ANLN: variants seen among roughly 807,000 people sequenced by gnomAD.
ANLN encodes anillin.
ANLN carries 59 observed loss-of-function variants against 135.1 expected under a neutral mutation model. The observed-to-expected ratio is 0.44, with a 90% CI of 0.35 to 0.54. The LOEUF (loss-of-function observed/expected upper bound fraction) is 0.54, where lower values mean the gene tolerates loss of function less well. ANLN is among the 20% of genes least tolerant of loss of function. ANLN has a pLI of 0.00. For missense variants in ANLN, 1,182 were observed against 1,340.0 expected (o/e 0.88, Z 1.84); for synonymous variants, 406 against 456.4 (o/e 0.89, Z 1.41).
chr7:36,432,861 C>G (rs562199419), intron 20 of ANLN, among the ~76,000 whole-genome samples: 77 of 152,292 alleles, frequency 5.1e-4, no homozygotes, highest in African/African-American at 1.8e-3. Flanking sequence ...AATACTGTTA[C>G]ACTGCTTCAT....
At chr7:36,442,434 G>C (rs1167866453) in intron 21 of ANLN, among the ~76,000 whole-genome samples, 1 of 152,166 alleles carries the variant, frequency 6.6e-6, no homozygotes, top group Non-Finnish European at 1.5e-5. Flanking sequence ...TAGCATCTGT[G>C]ACTGCTTCTG....
chr7:36,422,116 T>C (rs931295770), intron 13 of ANLN, 124 bp downstream of exon 13: 1 of 1,127,180 alleles, frequency 8.9e-7, no homozygotes, highest in East Asian at 2.7e-5. Flanking sequence ...AGTGGATCTA[T>C]TTTTTGTTCT....
chr7:36,398,107 T>C (rs1234966977), intron 2 of ANLN, among the ~76,000 whole-genome samples: 2 of 152,174 alleles, frequency 1.3e-5, no homozygotes, highest in African/African-American at 4.8e-5. Flanking sequence ...TTTGAAAATA[T>C]TAATTTTCCA....
chr7:36,449,744 G>C lies in ANLN; in HGVS notation c.3158G>C (p.Arg1053Pro), dbSNP rs767666268. The C allele has an allele frequency of 4.4e-5, 71 of 1,613,972 alleles. No homozygotes were observed. Among genetic ancestry groups the C allele is most frequent in the Non-Finnish European group, 5.8e-5 (69 of 1,179,928 alleles). The change falls in exon 23 of 24, where the codon CGC becomes CCC. Residue 1053 changes from arginine (R) to proline (P), a missense_variant. Transcript: ENST00000265748. ...GCCAACAGAGAATTTTGTGCAAGAC[G>C]CAACACTTTTGAATTAATTACTGTC... ...EPANREFCAR[R>P]NTFELITVRP...
rs771575725 is a variant in ANLN, at chr7:36,420,691, G to T, written c.2110G>T (p.Asp704Tyr). ...VRKEDVTSKL[D>Y]EKNNAFPCQV... ...GAAGGAAGATGTTACTTCAAAACTGGATGAAAAAAATAATGCCTTTCCTTG... is the reference window on the plus strand; with the variant it reads ...GAAGGAAGATGTTACTTCAAAACTGTATGAAAAAAATAATGCCTTTCCTTG... The change falls in exon 12 of 24, where the codon GAT (aspartate) becomes TAT (tyrosine). Residue 704 changes from aspartate (D) to tyrosine (Y), a missense_variant. Transcript: ENST00000265748. 3.1e-6 allele frequency: 5 copies of T among 1,613,856 alleles called. No homozygotes were observed. The East Asian group carries it at 1.1e-4, about 36-fold the overall frequency.
intron 6 of ANLN, 66 bp from the exon 7 acceptor site, chr7:36,410,993 T>C: frequency 4.2e-6 from 6 of 1,426,446 alleles, no homozygotes; most frequent in Non-Finnish European, 5.7e-6. Flanking sequence ...AGGAAAATTT[T>C]AGTAGTGTTT....
chr7:36,418,443 G>C (rs894010069), intron 9 of ANLN, among the ~76,000 whole-genome samples: 2 of 152,150 alleles, frequency 1.3e-5, no homozygotes, highest in Admixed American at 6.5e-5. Context: ...CAGTAACTAG[G>C]GATACAGCAG....
intron 13 of ANLN, 107 bp downstream of exon 13, chr7:36,422,099 C>A: frequency 8.0e-7 from 1 of 1,251,518 alleles, no homozygotes; most frequent in Non-Finnish European, 1.1e-6. Context: ...TCCTAGTCAT[C>A]TGTTCCAGTG....
chr7:36,415,873 C>T lies in ANLN; in HGVS notation c.1511C>T (p.Thr504Ile), dbSNP rs1038471408. 1.3e-6 allele frequency: 2 copies of T among 1,594,612 alleles called. No individual in the cohort carries two copies. The highest frequency in any genetic ancestry group is 1.7e-6 in the Non-Finnish European group (2 of 1,173,448). Residue 504 changes from threonine to isoleucine, a missense_variant, in exon 8 of 24, where the codon ACA becomes ATA. This residue lies in a region of ANLN where 1,022 missense variants were observed against 1,134.0 expected (regional missense o/e 0.90). Transcript: ENST00000265748. ...ENQIPAKNSS[T>I]EPKGFTECEM... ...CAGATACCAGCCAAAAATTCTAGTACAGAACCTAAAGGTCAGTGTTTCCAG... is the reference window on the plus strand; with the variant it reads ...CAGATACCAGCCAAAAATTCTAGTATAGAACCTAAAGGTCAGTGTTTCCAG...
chr7:36,410,926 T>C (rs568400992), intron 6 of ANLN, 133 bp from the exon 7 acceptor site: 3 of 920,886 alleles, frequency 3.3e-6, no homozygotes, highest in Non-Finnish European at 4.8e-6. Context: ...ATGTGTATTA[T>C]GAACTTTTTA....
intron 8 of ANLN, 53 bp from the exon 9 acceptor site, chr7:36,417,027 G>T: frequency 2.1e-6 from 2 of 943,524 alleles, no homozygotes. Flanking sequence ...TCCATAATTA[G>T]AAAATTATAG....
intron 20 of ANLN, among the ~76,000 whole-genome samples, chr7:36,431,533 ATATATATGTGTG>A (rs1414029703): frequency 0.013 from 1,913 of 142,700 alleles, 17 homozygotes; most frequent in Non-Finnish European, 0.016. Context: ...TATCTATCAT[ATATATATGTGTG>A]TATATATGTG....
chr7:36,402,828 A>G (rs979255979), intron 3 of ANLN, among the ~76,000 whole-genome samples: 42 of 152,084 alleles, frequency 2.8e-4, no homozygotes, highest in Admixed American at 2.2e-3. Context: ...TCCTCCAGAA[A>G]AGCCTCCCTG....
intron 22 of ANLN, chr7:36,448,867 C>A (rs1202365907): frequency 2.0e-5 from 3 of 152,152 alleles, no homozygotes; most frequent in Non-Finnish European, 4.4e-5. Flanking sequence ...ACTGTAGGAT[C>A]AGAAAATGCT....
intron 12 of ANLN, 47 bp from the exon 13 acceptor site, chr7:36,421,810 A>G (rs778470755): frequency 1.3e-6 from 2 of 1,497,948 alleles, no homozygotes; most frequent in Non-Finnish European, 1.8e-6. Flanking sequence ...AGTGAAAATG[A>G]TGATTTAAAA....
chr7:36,390,208 G>T, intron 1 of ANLN, 164 bp downstream of exon 1: 2 of 1,120,554 alleles, frequency 1.8e-6, no homozygotes, highest in Non-Finnish European at 2.5e-6. Flanking sequence ...GCCTGCTGTG[G>T]TTGGTGGGTT....
Position 36,401,813 on chromosome 7 carries a change from G to A in ANLN, c.487+2420G>A, listed in dbSNP as rs1052728157. On this transcript the variant is annotated intron_variant, in intron 3 of 23. Coordinates refer to ENST00000265748, the MANE Select transcript of ANLN (RefSeq NM_018685.5). ...TAAATTAAAAAAAAATTGAGGACTA[G>A]CTAAAACAGGGCCTGGGGGAAGCAG... is the stretch of plus-strand genomic sequence containing the variant. Among the ~76,000 whole-genome samples the A allele has an allele frequency of 1.0e-4, 12 of 118,046 alleles. 2 individuals are homozygous for A. The highest frequency in any genetic ancestry group is 9.5e-4 in the Admixed American group (12 of 12,642). The allele number at this position is 118,046 out of a possible 152,430, so 77.4% of individuals were successfully genotyped here. A position where few individuals can be genotyped will look rare whatever the true frequency, so the allele number is the denominator to read the frequency against.
At chr7:36,435,874 A>AAAAAC (rs1788526504) in intron 20 of ANLN, among the ~76,000 whole-genome samples, 1 of 36,102 alleles carries the variant, frequency 2.8e-5, no homozygotes, top group Non-Finnish European at 6.5e-5. Flanking sequence ...CTCCGTCTCA[A>AAAAAC]AAAAAAAAAA....
chr7:36,435,462 C>G (rs1788493781), intron 20 of ANLN, among the ~76,000 whole-genome samples: 1 of 151,982 alleles, frequency 6.6e-6, no homozygotes, highest in Non-Finnish European at 1.5e-5. Context: ...CTCAGCCTCT[C>G]AAAGTTCAGG....
Sources: allele counts gnomAD v4.1 joint callset (sites outside exome capture counted in the v4.1 genomes callset), GRCh38; gene constraint gnomAD v4.1.1; regional missense constraint gnomAD v4.1.1; transcripts MANE v1.5; gene names NCBI Gene and HGNC (gene_info 2026-07-23, HGNC 2026-07-21).